The following IL1RAPL1 variants were observed in gnomAD, a reference collection of about 807,000 sequenced individuals.
The protein encoded by IL1RAPL1 is interleukin 1 receptor accessory protein like 1.
IL1RAPL1 carries 3 observed loss-of-function variants against 48.4 expected under a neutral mutation model. That is an observed-to-expected ratio of 0.06 (90% CI 0.03 to 0.16). IL1RAPL1 has a LOEUF of 0.16. Among genes scored for constraint, IL1RAPL1 ranks in the 10% least tolerant of loss-of-function variants. The probability of loss-of-function intolerance (pLI) is 1.00; values close to 1 mark genes in which losing one functional copy is unlikely to be tolerated. For synonymous variants in IL1RAPL1, 185 were observed against 187.7 expected, an observed-to-expected ratio of 0.99 and a Z score of 0.12; for missense variants, 349 against 530.6, an observed-to-expected ratio of 0.66 and a Z score of 3.36.
intron 5 of IL1RAPL1, among the ~76,000 whole-genome samples, chrX:29,600,206 G>A (rs1280194663): frequency 3.6e-5 from 4 of 111,516 alleles, no homozygotes; most frequent in South Asian, 3.8e-4. Context: ...CTTTTGTCCC[G>A]CAGGGTGCTC....
At chrX:28,766,261 G>T (rs971344571) in intron 1 of IL1RAPL1, among the ~76,000 whole-genome samples, 8 of 111,272 alleles carry the variant, frequency 7.2e-5, no homozygotes, top group Admixed American at 5.8e-4. Context: ...CTGCATGTCT[G>T]TGTAACCCAA....
At chrX:29,556,738 G>A (rs183674813) in intron 5 of IL1RAPL1, among the ~76,000 whole-genome samples, 1 of 111,467 alleles carries the variant, frequency 9.0e-6, no homozygotes, top group African/African-American at 3.2e-5. Flanking sequence ...TTTTTGAAAA[G>A]TGTAATAGGT....
chrX:28,835,872 T>C (rs1002548091), intron 2 of IL1RAPL1, among the ~76,000 whole-genome samples: 7 of 111,154 alleles, frequency 6.3e-5, no homozygotes, highest in African/African-American at 2.3e-4. Context: ...GCCTCCCTAT[T>C]TGTTGTTTCC....
chrX:29,894,567 A>G (rs138284825), intron 6 of IL1RAPL1, among the ~76,000 whole-genome samples: 1,322 of 112,235 alleles, frequency 0.012, 19 homozygotes, highest in African/African-American at 0.04. Context: ...GACAAACTCT[A>G]GAAGGTTTTT....
At chrX:29,870,530 T>C (rs1432609318) in intron 6 of IL1RAPL1, among the ~76,000 whole-genome samples, 1 of 111,997 alleles carries the variant, frequency 8.9e-6, no homozygotes, top group Non-Finnish European at 1.9e-5. Flanking sequence ...TAGCCAGAGC[T>C]TCCACTTTTC....
intron 1 of IL1RAPL1, among the ~76,000 whole-genome samples, chrX:28,674,803 G>C (rs1380283704): frequency 1.8e-5 from 2 of 111,840 alleles, no homozygotes; most frequent in African/African-American, 6.5e-5. Flanking sequence ...AGTTTATGTA[G>C]TATTCATGAT....
At chrX:29,315,884 A>C (rs1209898803) in intron 3 of IL1RAPL1, among the ~76,000 whole-genome samples, 1 of 112,162 alleles carries the variant, frequency 8.9e-6, no homozygotes, top group Non-Finnish European at 1.9e-5. Context: ...AAAAGACAGA[A>C]GTAGATGTTG....
chrX:29,660,630 T>C (rs1392397577), intron 5 of IL1RAPL1, among the ~76,000 whole-genome samples: 1 of 111,752 alleles, frequency 8.9e-6, no homozygotes, highest in Non-Finnish European at 1.9e-5. Flanking sequence ...TTGTAAAAAA[T>C]GAGTTGGCTG....
intron 6 of IL1RAPL1, among the ~76,000 whole-genome samples, chrX:29,744,058 C>T (rs1487510172): frequency 8.9e-6 from 1 of 111,957 alleles, no homozygotes; most frequent in Non-Finnish European, 1.9e-5. Flanking sequence ...TGCCTTAGTA[C>T]TTTTTGTTGT....
intron 3 of IL1RAPL1, among the ~76,000 whole-genome samples, chrX:29,287,405 T>C (rs1251437333): frequency 2.7e-5 from 3 of 112,395 alleles, no homozygotes; most frequent in Admixed American, 9.4e-5. Flanking sequence ...TATTCAATTT[T>C]TGGTGAACAT....
chrX:29,031,399 A>T (rs1926615746), intron 2 of IL1RAPL1, among the ~76,000 whole-genome samples: 1 of 111,733 alleles, frequency 8.9e-6, no homozygotes, highest in African/African-American at 3.2e-5. Context: ...TTTTGTGGGT[A>T]TTCTGTTTAC....
At chrX:29,198,487 A>G (rs1296869308) in intron 2 of IL1RAPL1, among the ~76,000 whole-genome samples, 1 of 108,977 alleles carries the variant, frequency 9.2e-6, no homozygotes, top group East Asian at 2.9e-4. Context: ...GTAGACACGG[A>G]GTTTCACCAT....
intron 7 of IL1RAPL1, 84 bp downstream of exon 7, chrX:29,917,680 T>G: frequency 1.2e-6 from 1 of 869,229 alleles, no homozygotes; most frequent in Non-Finnish European, 1.7e-6. Context: ...AAGGATTTTT[T>G]TTTGTTTTAC....
chrX:29,518,740 G>A (rs1378877403), intron 5 of IL1RAPL1, among the ~76,000 whole-genome samples: 1 of 111,652 alleles, frequency 9.0e-6, no homozygotes, highest in East Asian at 2.8e-4. Flanking sequence ...ACCATTATAA[G>A]TTCTTTGGCA....
intron 2 of IL1RAPL1, among the ~76,000 whole-genome samples, chrX:29,078,668 A>G (rs985630374): frequency 7.1e-5 from 8 of 112,294 alleles, no homozygotes; most frequent in Admixed American, 5.7e-4. Flanking sequence ...TGGAGAGATA[A>G]TAGATCAGTA....
chrX:29,619,312 T>G (rs1186217216), intron 5 of IL1RAPL1, among the ~76,000 whole-genome samples: 1 of 111,586 alleles, frequency 9.0e-6, no homozygotes, highest in South Asian at 3.7e-4. Context: ...TTAGCTAGTA[T>G]TTCTTGTATA....
intron 6 of IL1RAPL1, among the ~76,000 whole-genome samples, chrX:29,835,281 A>G: frequency 8.9e-6 from 1 of 112,008 alleles, no homozygotes; most frequent in East Asian, 2.8e-4. Flanking sequence ...CATGTACAAC[A>G]TGATGTTTTG....
At chrX:29,258,858 T>C (rs1288384342) in intron 2 of IL1RAPL1, among the ~76,000 whole-genome samples, 1 of 111,679 alleles carries the variant, frequency 9.0e-6, no homozygotes, top group Non-Finnish European at 1.9e-5. Flanking sequence ...CTGCTGGGCA[T>C]GGTTCAAATG....
At chrX:29,502,537 G>A (rs1248401470) in intron 5 of IL1RAPL1, among the ~76,000 whole-genome samples, 1 of 111,051 alleles carries the variant, frequency 9.0e-6, no homozygotes, top group African/African-American at 3.3e-5. Flanking sequence ...AAGATATGTT[G>A]GATTTTATCT....
Sources: allele counts gnomAD v4.1 joint callset (sites outside exome capture counted in the v4.1 genomes callset), GRCh38; gene constraint gnomAD v4.1.1; transcripts MANE v1.5; gene names NCBI Gene and HGNC (gene_info 2026-07-23, HGNC 2026-07-21).